The following PPP2R3A variants were observed in gnomAD, a reference collection of about 807,000 sequenced individuals.
PPP2R3A encodes protein phosphatase 2 regulatory subunit B''alpha, also known as serine/threonine-protein phosphatase 2A regulatory subunit B'' subunit alpha.
A neutral mutation model predicts 106.9 loss-of-function variants in PPP2R3A; 80 were observed. That is an observed-to-expected ratio of 0.75 (90% CI 0.62 to 0.90). PPP2R3A has a LOEUF of 0.90. Among genes scored for constraint, PPP2R3A ranks in the 40% least tolerant of loss-of-function variants. PPP2R3A has a pLI of 0.00. For missense variants in PPP2R3A, 1,386 were observed against 1,350.4 expected, an observed-to-expected ratio of 1.03 and a Z score of -0.41; for synonymous variants, 483 against 468.3, an observed-to-expected ratio of 1.03 and a Z score of -0.41.
intron 4 of PPP2R3A, among the ~76,000 whole-genome samples, chr3:136,048,249 T>C (rs1234806657): frequency 1.3e-5 from 2 of 152,150 alleles, no homozygotes; most frequent in South Asian, 2.1e-4. Context: ...GTAAGGACGG[T>C]AGCATTTACA....
chr3:136,021,770 A>G (rs915053357), intron 2 of PPP2R3A, among the ~76,000 whole-genome samples: 2 of 152,138 alleles, frequency 1.3e-5, no homozygotes, highest in Admixed American at 1.3e-4. Context: ...ATTTGGGGAA[A>G]AAAGTATGGT....
chr3:136,126,548 C>T (rs1460798943), intron 13 of PPP2R3A, among the ~76,000 whole-genome samples: 1 of 152,226 alleles, frequency 6.6e-6, no homozygotes, highest in African/African-American at 2.4e-5. Context: ...TAGACTCCAC[C>T]TCTATGGGCA....
At chr3:135,987,862 T>C (rs1209946243) in intron 1 of PPP2R3A, among the ~76,000 whole-genome samples, 1 of 152,206 alleles carries the variant, frequency 6.6e-6, no homozygotes, top group Non-Finnish European at 1.5e-5. Flanking sequence ...GATATAAAAA[T>C]ATTTCATCAT....
chr3:136,123,763 T>C (rs1386966308), intron 13 of PPP2R3A, among the ~76,000 whole-genome samples: 1 of 152,184 alleles, frequency 6.6e-6, no homozygotes, highest in Non-Finnish European at 1.5e-5. Context: ...AATAAAAATT[T>C]CCAGACTTGA....
intron 3 of PPP2R3A, among the ~76,000 whole-genome samples, chr3:136,030,657 T>A (rs1934838136): frequency 6.6e-6 from 1 of 151,976 alleles, no homozygotes; most frequent in Admixed American, 6.6e-5. Context: ...GATGTTTGGT[T>A]TTCCATTCCT....
intron 3 of PPP2R3A, among the ~76,000 whole-genome samples, 180 bp downstream of exon 3, chr3:136,027,278 T>C (rs1429150212): frequency 1.3e-5 from 2 of 152,144 alleles, no homozygotes; most frequent in Non-Finnish European, 1.5e-5. Flanking sequence ...CTATTTAATA[T>C]AAGAATCCCT....
At chr3:136,070,679 G>A in intron 6 of PPP2R3A, 127 bp downstream of exon 6, 2 of 665,872 alleles carry the variant, frequency 3.0e-6, no homozygotes, top group East Asian at 3.4e-5. Flanking sequence ...TCAAGTGGAA[G>A]GAAGCTAAAA....
intron 13 of PPP2R3A, among the ~76,000 whole-genome samples, chr3:136,123,750 T>C (rs913302051): frequency 1.3e-5 from 2 of 152,092 alleles, no homozygotes; most frequent in Non-Finnish European, 2.9e-5. Context: ...ACAAAATACA[T>C]TAAATAAAAA....
intron 11 of PPP2R3A, 78 bp from the exon 12 acceptor site, chr3:136,103,180 T>G (rs1399925928): frequency 2.5e-6 from 2 of 793,778 alleles, no homozygotes; most frequent in Admixed American, 2.4e-5. Flanking sequence ...CCTATACTTT[T>G]AGATGTCAGG....
At chr3:136,122,181 C>T (rs1432712806) in intron 13 of PPP2R3A, among the ~76,000 whole-genome samples, 3 of 152,068 alleles carry the variant, frequency 2.0e-5, no homozygotes, top group African/African-American at 2.4e-5. Flanking sequence ...CATAGCTGGG[C>T]ACGGTGACTC....
intron 12 of PPP2R3A, among the ~76,000 whole-genome samples, chr3:136,104,483 T>G (rs754336993): frequency 9.9e-5 from 15 of 152,128 alleles, no homozygotes; most frequent in Non-Finnish European, 1.9e-4. Flanking sequence ...ATTTTGTATT[T>G]TTTGTACAGA....
At chr3:136,079,153 A>T (rs1284905694) in intron 7 of PPP2R3A, 2 of 454,770 alleles carry the variant, frequency 4.4e-6, no homozygotes, top group Non-Finnish European at 8.8e-6. Flanking sequence ...GAGACAGAGT[A>T]ATGAAGACTT....
chr3:136,061,984 A>G (rs1303959866), intron 5 of PPP2R3A, among the ~76,000 whole-genome samples: 1 of 152,024 alleles, frequency 6.6e-6, no homozygotes, highest in African/African-American at 2.4e-5. Context: ...TTTAAGACAC[A>G]TGCATAAACA....
intron 3 of PPP2R3A, among the ~76,000 whole-genome samples, chr3:136,034,628 G>A (rs868416263): frequency 1.3e-5 from 2 of 152,164 alleles, no homozygotes; most frequent in African/African-American, 2.4e-5. Flanking sequence ...ATTGAGGCTC[G>A]TTTTGTGGCC....
intron 13 of PPP2R3A, among the ~76,000 whole-genome samples, chr3:136,143,808 C>A (rs1559945484): frequency 6.6e-6 from 1 of 152,026 alleles, no homozygotes; most frequent in African/African-American, 2.4e-5. Flanking sequence ...AAAACACACA[C>A]AATGTTTTAG....
Position 136,003,340 on chromosome 3 carries a change from C to T in PPP2R3A, c.1842C>T (p.Ser614=). The change falls in exon 2 of 14, where the codon AGC becomes AGT. Residue 614 remains serine (S), a synonymous_variant. Coordinates refer to ENST00000264977, the MANE Select transcript of PPP2R3A (RefSeq NM_002718.5). The part of the protein sequence containing the change: ...ELVECKSSRG[S]LSQEKEMMQI... Reference sequence around the variant, plus strand: ...TTGAATGCAAATCAAGCAGAGGGAGCCTATCACAAGAAAAGGAAATGATGC... The same window carrying T: ...TTGAATGCAAATCAAGCAGAGGGAGTCTATCACAAGAAAAGGAAATGATGC... 6.2e-7 allele frequency: 1 copy of T among 1,613,936 alleles called. No homozygotes were observed. The highest frequency in any genetic ancestry group is 8.5e-7 in the Non-Finnish European group (1 of 1,179,932).
rs533785606 is a variant in PPP2R3A, at chr3:136,126,230, G to A, written c.3330-18813G>A. Among the ~76,000 whole-genome samples, 15 of 152,362 alleles carry A rather than the reference G, an allele frequency of 9.8e-5. No homozygotes were observed. In the South Asian group the frequency reaches 1.0e-3, roughly 11 times the overall value. ...TTCCCTTTCCTAACCAAGGGAAGCC[G>A]TGACAGACTACCTGGAAAAACGGGA... On this transcript the variant is annotated intron_variant, in intron 13 of 13. Coordinates refer to ENST00000264977, the MANE Select transcript of PPP2R3A (RefSeq NM_002718.5).
chr3:136,099,469 A>G (rs1480912953), intron 10 of PPP2R3A, among the ~76,000 whole-genome samples: 5 of 152,310 alleles, frequency 3.3e-5, no homozygotes, highest in Admixed American at 3.3e-4. Flanking sequence ...AAATTAGAGT[A>G]CAGGACATGA....
intron 1 of PPP2R3A, among the ~76,000 whole-genome samples, chr3:135,976,393 G>C (rs1036998930): frequency 2.6e-5 from 4 of 152,196 alleles, no homozygotes; most frequent in Non-Finnish European, 4.4e-5. Context: ...GAGCCAAAAA[G>C]GCTGGCTCTC....
Sources: gnomAD v4.1 joint callset for allele counts (sites outside exome capture counted in the v4.1 genomes callset) on GRCh38, gnomAD v4.1.1 for gene constraint, MANE v1.5 for transcripts, NCBI Gene and HGNC (gene_info 2026-07-23, HGNC 2026-07-21) for gene names.